The following RPSA2 variants were observed in gnomAD, a reference collection of about 807,000 sequenced individuals.
RPSA2 encodes small ribosomal subunit protein uS2B.
the RPSA2 span, among the ~76,000 whole-genome samples, chr19:23,868,902 C>T: frequency 4.1e-3 from 627 of 152,132 alleles, 26 homozygotes; most frequent in East Asian, 0.088. Flanking sequence ...GGACAGAAGG[C>T]CAACTGGAGT....
At chr19:23,803,446 A>T in the RPSA2 span, among the ~76,000 whole-genome samples, 1 of 152,186 alleles carries the variant, frequency 6.6e-6, no homozygotes, top group Non-Finnish European at 1.5e-5. Flanking sequence ...TACATTTAGC[A>T]ACTTGTTTTC....
the RPSA2 span, among the ~76,000 whole-genome samples, chr19:23,865,974 G>T: frequency 1.3e-5 from 2 of 152,200 alleles, no homozygotes; most frequent in East Asian, 3.8e-4. Flanking sequence ...ATCCACCAGT[G>T]CATATCTGAC....
the RPSA2 span, among the ~76,000 whole-genome samples, chr19:23,776,211 T>G: frequency 6.6e-6 from 1 of 152,200 alleles, no homozygotes; most frequent in Admixed American, 6.5e-5. Flanking sequence ...GACAGATGCT[T>G]CTGTGTAGAA....
At chr19:23,830,429 G>A in the RPSA2 span, among the ~76,000 whole-genome samples, 31 of 152,302 alleles carry the variant, frequency 2.0e-4, no homozygotes, top group African/African-American at 7.5e-4. Flanking sequence ...ACAGGCAGGA[G>A]CCACCATGCC....
the RPSA2 span, among the ~76,000 whole-genome samples, chr19:23,787,045 T>A: frequency 6.6e-6 from 1 of 152,122 alleles, no homozygotes; most frequent in African/African-American, 2.4e-5. Context: ...AGCATCCAGG[T>A]GATGTGGGTC....
the RPSA2 span, among the ~76,000 whole-genome samples, chr19:23,761,921 T>C: frequency 0.072 from 5,461 of 75,684 alleles, 449 homozygotes; most frequent in African/African-American, 0.086. Flanking sequence ...TCTTTCTTTC[T>C]TTTTTTTTTT....
At chr19:23,833,265 A>G in the RPSA2 span, 2 of 933,070 alleles carry the variant, frequency 2.1e-6, no homozygotes, top group South Asian at 2.6e-5. Flanking sequence ...TTACAACTTA[A>G]TGCACATAAG....
At chr19:23,791,221 G>A in the RPSA2 span, among the ~76,000 whole-genome samples, 1 of 152,156 alleles carries the variant, frequency 6.6e-6, no homozygotes, top group African/African-American at 2.4e-5. Flanking sequence ...GGGGCTTCTC[G>A]AACTCCTGAC....
chr19:23,817,780 G>A, the RPSA2 span: 1 of 152,220 alleles, frequency 6.6e-6, no homozygotes, highest in Non-Finnish European at 1.5e-5. Flanking sequence ...TAATCAAACA[G>A]TGACAGGTTA....
the RPSA2 span, among the ~76,000 whole-genome samples, chr19:23,770,310 C>T: frequency 6.6e-6 from 1 of 152,178 alleles, no homozygotes; most frequent in Non-Finnish European, 1.5e-5. Flanking sequence ...TTATGACTCT[C>T]CTCTTCTGCC....
chr19:23,808,905 C>G, the RPSA2 span: 1 of 335,344 alleles, frequency 3.0e-6, no homozygotes, highest in South Asian at 4.0e-5. Context: ...AAGCTGTGTT[C>G]AAAAGGAAAT....
the RPSA2 span, among the ~76,000 whole-genome samples, chr19:23,829,588 AC>A: frequency 1.1e-4 from 16 of 152,256 alleles, no homozygotes; most frequent in Non-Finnish European, 2.2e-4. Flanking sequence ...GGCATAAGCC[AC>A]CATGCCCAAC....
At chr19:23,836,300 T>C in the RPSA2 span, among the ~76,000 whole-genome samples, 2 of 152,120 alleles carry the variant, frequency 1.3e-5, no homozygotes, top group African/African-American at 2.4e-5. Context: ...TCCAGTCTCA[T>C]CCAGGTTATT....
chr19:23,806,032 TATCC>T, the RPSA2 span, among the ~76,000 whole-genome samples: 3 of 129,756 alleles, frequency 2.3e-5, no homozygotes, highest in East Asian at 2.3e-4. Flanking sequence ...TCTATCTATC[TATCC>T]TTCTTTCTTT....
chr19:23,787,366 G>A, the RPSA2 span, among the ~76,000 whole-genome samples: 1 of 152,024 alleles, frequency 6.6e-6, no homozygotes, highest in South Asian at 2.1e-4. Context: ...ACTTTGGGAG[G>A]CTGAGGGAAG....
At chr19:23,800,695 C>T in the RPSA2 span, among the ~76,000 whole-genome samples, 1 of 152,058 alleles carries the variant, frequency 6.6e-6, no homozygotes, top group African/African-American at 2.4e-5. Flanking sequence ...CTCACTGCAG[C>T]CTCCACCTCC....
the RPSA2 span, among the ~76,000 whole-genome samples, chr19:23,771,036 G>A: frequency 6.6e-6 from 1 of 152,082 alleles, no homozygotes; most frequent in African/African-American, 2.4e-5. Context: ...AATATCCTGG[G>A]CCTCCTCTTT....
chr19:23,860,520 G>A, the RPSA2 span, among the ~76,000 whole-genome samples: 1 of 152,116 alleles, frequency 6.6e-6, no homozygotes. Context: ...TTTTAGAACT[G>A]GAATCATATT....
chr19:23,769,984 C>T, the RPSA2 span, among the ~76,000 whole-genome samples: 1 of 152,196 alleles, frequency 6.6e-6, no homozygotes, highest in Non-Finnish European at 1.5e-5. Flanking sequence ...TTACATATCA[C>T]TGGGCCCAGC....
Sources: gnomAD v4.1 joint callset for allele counts (sites outside exome capture counted in the v4.1 genomes callset) on GRCh38, gnomAD v4.1.1 for gene constraint, MANE v1.5 for transcripts, NCBI Gene and HGNC (gene_info 2026-07-23, HGNC 2026-07-21) for gene names.